HELQ: variants seen among roughly 807,000 people sequenced by gnomAD.
The protein encoded by HELQ is helicase, POLQ like, also known as helicase POLQ-like.
In HELQ, 77 loss-of-function variants were observed where a neutral mutation model predicts 111.6. The observed-to-expected ratio is 0.69, with a 90% CI of 0.57 to 0.83. The LOEUF (loss-of-function observed/expected upper bound fraction) is 0.83, where lower values mean the gene tolerates loss of function less well. HELQ is among the 40% of genes least tolerant of loss of function. The probability of loss-of-function intolerance (pLI) is 0.00; values close to 1 mark genes in which losing one functional copy is unlikely to be tolerated. For missense variants in HELQ, 1,200 were observed against 1,288.5 expected (o/e 0.93, Z 1.05); for synonymous variants, 438 against 454.7 (o/e 0.96, Z 0.47).
At chr4:83,415,183 A>AG (rs1739296302) in intron 17 of HELQ, among the ~76,000 whole-genome samples, 1 of 152,222 alleles carries the variant, frequency 6.6e-6, no homozygotes, top group Non-Finnish European at 1.5e-5. Context: ...GGCTTTACCC[A>AG]CAGGGAGCAG....
chr4:83,435,221 T>TC (rs749283691), intron 9 of HELQ, among the ~76,000 whole-genome samples: 4 of 152,142 alleles, frequency 2.6e-5, no homozygotes, highest in Non-Finnish European at 5.9e-5. Context: ...TGAAGCTGTA[T>TC]CAAGTCAATG....
At chr4:83,441,747 TGTCTCAAGATCTA>T (rs558090220) in intron 6 of HELQ, among the ~76,000 whole-genome samples, 76 of 151,892 alleles carry the variant, frequency 5.0e-4, no homozygotes, top group Non-Finnish European at 8.5e-4. Context: ...ATCTGTTTTA[TGTCTCAAGATCTA>T]AAACTTTGTC....
At chr4:83,450,221 TTAA>T (rs1560558808) in intron 2 of HELQ, among the ~76,000 whole-genome samples, 7 of 40,612 alleles carry the variant, frequency 1.7e-4, no homozygotes, top group Non-Finnish European at 3.3e-4. Flanking sequence ...ACAGTTAAGT[TTAA>T]AAAAAAAAAA....
intron 7 of HELQ, 102 bp from the exon 8 acceptor site, chr4:83,440,110 C>G: frequency 1.3e-6 from 1 of 787,284 alleles, no homozygotes; most frequent in Non-Finnish European, 2.1e-6. Flanking sequence ...ATCTATAATT[C>G]TAAACTTCTA....
intron 2 of HELQ, among the ~76,000 whole-genome samples, chr4:83,450,955 C>T (rs548948256): frequency 7.9e-5 from 12 of 152,236 alleles, no homozygotes; most frequent in African/African-American, 1.7e-4. Context: ...GAGGTTCTGA[C>T]GCAGTAGGTC....
In HELQ at chr4:83,418,143, A is replaced by G. The variant is rs1004330117; in HGVS notation, c.3013T>C (p.Cys1005Arg). 2 of 1,611,342 alleles carry G rather than the reference A, an allele frequency of 1.2e-6. No individual in the cohort carries two copies. Among genetic ancestry groups the G allele is most frequent in the Non-Finnish European group, 1.7e-6 (2 of 1,178,518 alleles). The change falls in exon 16 of 18, where the codon TGT (cysteine) becomes CGT (arginine). Residue 1005 changes from cysteine to arginine, a missense_variant. Cys to Arg is a radical substitution (Grantham distance 180). Coordinates refer to ENST00000295488, the MANE Select transcript of HELQ (RefSeq NM_133636.5). The part of the protein sequence containing the change: ...LVELTKKLTY[C>R]VKAELIPLME... ...AGAGGGATTAATTCTGCCTTTACAC[A>G]GTAAGTCAGCTTCTTGGTAAGTTCT...
At chr4:83,445,306 G>A (rs1348246410) in intron 5 of HELQ, among the ~76,000 whole-genome samples, 1 of 152,188 alleles carries the variant, frequency 6.6e-6, no homozygotes, top group African/African-American at 2.4e-5. Context: ...TTAAAATAGT[G>A]CCTAGCACAC....
At chr4:83,426,200 C>A in intron 13 of HELQ, 108 bp from the exon 14 acceptor site, 1 of 657,114 alleles carries the variant, frequency 1.5e-6, no homozygotes, top group Non-Finnish European at 2.8e-6. Context: ...ATACAAAAAA[C>A]AAGATAAATA....
chr4:83,443,129 A>G (rs1452677400), intron 6 of HELQ, among the ~76,000 whole-genome samples: 1 of 152,020 alleles, frequency 6.6e-6, no homozygotes, highest in Non-Finnish European at 1.5e-5. Context: ...TAAATATTTA[A>G]AAATATTTTA....
chr4:83,447,069 C>G (rs1721086316), intron 3 of HELQ, 34 bp from the exon 4 acceptor site: 1 of 1,159,852 alleles, frequency 8.6e-7, no homozygotes, highest in African/African-American at 1.5e-5. Flanking sequence ...AAAAATTGGC[C>G]AGGCATTGTG....
chr4:83,423,976 G>C (rs1052131137), intron 14 of HELQ, among the ~76,000 whole-genome samples: 4 of 151,982 alleles, frequency 2.6e-5, no homozygotes, highest in African/African-American at 9.7e-5. Context: ...GTCAGGTGGG[G>C]GGCCTCTTTT....
chr4:83,440,346 G>A (rs1462977385), intron 7 of HELQ, among the ~76,000 whole-genome samples: 1 of 152,026 alleles, frequency 6.6e-6, no homozygotes, highest in East Asian at 1.9e-4. Flanking sequence ...GAACAAAAAA[G>A]TCCACAGAGA....
intron 16 of HELQ, 88 bp downstream of exon 16, chr4:83,418,005 C>T (rs1043401436): frequency 9.9e-5 from 59 of 596,780 alleles, no homozygotes; most frequent in Non-Finnish European, 1.3e-4. Context: ...CTATCACTTC[C>T]TCTGTATTAA....
chr4:83,450,442 ATAC>A (rs1310231833), intron 2 of HELQ, among the ~76,000 whole-genome samples: 1 of 151,700 alleles, frequency 6.6e-6, no homozygotes, highest in Non-Finnish European at 1.5e-5. Context: ...TGATTCCCAA[ATAC>A]TACAAGTGAC....
rs749076499 is a variant in HELQ at position 83,453,290 on chromosome 4, G to A, written c.953C>T (p.Ser318Leu). 3.7e-6 allele frequency: 6 copies of A among 1,613,654 alleles called. No individual in the cohort carries two copies. In the Admixed American group the frequency reaches 1.0e-4, roughly 27 times the overall value. Residue 318 changes from serine to leucine, a missense_variant, in exon 2 of 18, where the codon TCA becomes TTA. Ser to Leu is a moderately radical substitution (Grantham distance 145). This residue lies in a region of HELQ where 610 missense variants were observed against 607.1 expected (regional missense o/e 1.00). Transcript: ENST00000295488. ...AAGGTCTCTCACTTTGCTGGGTAATGAATAAAAAGGACCAAGGTCATTTGA... is the reference window on the plus strand; with the variant it reads ...AAGGTCTCTCACTTTGCTGGGTAATAAATAAAAAGGACCAAGGTCATTTGA... ...SSSNDLGPFY[S>L]LPSKVRDLYA...
chr4:83,407,591 A>C, intron 17 of HELQ, 31 bp from the exon 18 acceptor site: 1 of 1,385,878 alleles, frequency 7.2e-7, no homozygotes, highest in Middle Eastern at 1.8e-4. Context: ...GTGAGGCCAA[A>C]ATATGCATTG....
At chr4:83,437,987 C>T (rs1027520093) in intron 8 of HELQ, among the ~76,000 whole-genome samples, 2 of 152,148 alleles carry the variant, frequency 1.3e-5, no homozygotes, top group South Asian at 2.1e-4. Context: ...GAATGATTTA[C>T]TGAGAATTTT....
intron 14 of HELQ, among the ~76,000 whole-genome samples, chr4:83,424,324 T>C (rs1194398635): frequency 1.3e-5 from 2 of 152,240 alleles, no homozygotes; most frequent in South Asian, 2.1e-4. Flanking sequence ...TTTTAAGAAA[T>C]ATTTTTATTC....
intron 8 of HELQ, among the ~76,000 whole-genome samples, chr4:83,437,782 A>G (rs1190410411): frequency 2.6e-5 from 4 of 152,066 alleles, no homozygotes; most frequent in Admixed American, 6.6e-5. Context: ...TTTATAACAT[A>G]TATCTTTATA....
Sources: allele counts gnomAD v4.1 joint callset (sites outside exome capture counted in the v4.1 genomes callset), GRCh38; gene constraint gnomAD v4.1.1; regional missense constraint gnomAD v4.1.1; transcripts MANE v1.5; gene names NCBI Gene and HGNC (gene_info 2026-07-23, HGNC 2026-07-21).